Variants in DHX36 observed in about 807,000 individuals in gnomAD.
DHX36 encodes ATP-dependent DNA/RNA helicase DHX36.
DHX36 carries 50 observed loss-of-function variants against 139.0 expected under a neutral mutation model. The observed-to-expected ratio is 0.36, with a 90% CI of 0.29 to 0.46. The LOEUF (loss-of-function observed/expected upper bound fraction) is 0.46. Ranked by LOEUF, DHX36 falls within the 20% of genes least tolerant of loss-of-function variation. DHX36 has a pLI of 1.00. For missense variants in DHX36, 1,024 were observed against 1,211.3 expected (o/e 0.85, Z 2.29); for synonymous variants, 425 against 401.9 (o/e 1.06, Z -0.69).
At chr3:154,292,278 TA>T (rs367612636) in intron 15 of DHX36, among the ~76,000 whole-genome samples, 1,875 of 152,242 alleles carry the variant, frequency 0.012, 19 homozygotes, top group Non-Finnish European at 0.02. Flanking sequence ...ATATATGCTT[TA>T]AAAAAATGAA....
chr3:154,284,078 A>C (rs1719423084), intron 19 of DHX36, among the ~76,000 whole-genome samples: 1 of 152,226 alleles, frequency 6.6e-6, no homozygotes, highest in Admixed American at 6.5e-5. Flanking sequence ...AATGTAATGA[A>C]CTATTACAAA....
At position 154,311,661 on chromosome 3, in the gene DHX36, T is replaced by C; in HGVS notation, c.617A>G (p.Lys206Arg). 6.3e-7 allele frequency: 1 copy of C among 1,596,964 alleles called. No individual in the cohort carries two copies. The change falls in exon 4 of 25, where the codon AAG (lysine) becomes AGG (arginine). Residue 206 changes from lysine (K) to arginine (R), a missense_variant. Physicochemically the swap from Lys to Arg is conservative, Grantham distance 26 (BLOSUM62 2). Around this residue, in one of 4 missense-constraint regions of DHX36, gnomAD observed 293 missense variants for 274.4 expected, o/e 1.07. Coordinates refer to ENST00000496811, the MANE Select transcript of DHX36 (RefSeq NM_020865.3). ...RYIEMQHFRE[K>R]LPSYGMQKEL... The stretch of plus-strand genomic sequence containing the variant: ...CTTTTGCATTCCATACGAAGGCAGC[T>C]TTTCTCTGAAATGCTGAAATTTAAA...
At chr3:154,300,894 T>C in intron 10 of DHX36, 93 bp downstream of exon 10, 1 of 1,524,816 alleles carries the variant, frequency 6.6e-7, no homozygotes, top group South Asian at 1.2e-5. Context: ...TGCTCTCCTT[T>C]AAGTACGTAC....
intron 14 of DHX36, 70 bp downstream of exon 14, chr3:154,293,678 G>C: frequency 8.9e-7 from 1 of 1,118,766 alleles, no homozygotes; most frequent in Non-Finnish European, 1.3e-6. Flanking sequence ...AAAGATTAAG[G>C]TATATAAACA....
intron 24 of DHX36, 145 bp from the exon 25 acceptor site, chr3:154,276,501 G>A: frequency 1.2e-6 from 1 of 823,028 alleles, no homozygotes; most frequent in East Asian, 2.7e-5. Flanking sequence ...CAACTAAAGT[G>A]TGGTTATGAG....
At chr3:154,296,274 AC>A (rs1712042766) in intron 12 of DHX36, among the ~76,000 whole-genome samples, 1 of 152,112 alleles carries the variant, frequency 6.6e-6, no homozygotes, top group Non-Finnish European at 1.5e-5. Context: ...GGAGATCAAG[AC>A]CATCCTGGCT....
chr3:154,286,177 A>C (rs902651218), intron 17 of DHX36, among the ~76,000 whole-genome samples: 13 of 128,288 alleles, frequency 1.0e-4, no homozygotes, highest in South Asian at 3.1e-4. Context: ...AAAAAAAAAA[A>C]AAAAAAAAAA....
chr3:154,316,178 GA>G lies in DHX36; in HGVS notation c.244-16del, dbSNP rs1338834289. 1 of 1,607,816 alleles carries G rather than the reference GA, an allele frequency of 6.2e-7. No individual in the cohort carries two copies. Among genetic ancestry groups the G allele is most frequent in the Non-Finnish European group, 8.5e-7 (1 of 1,177,816 alleles). On this transcript the variant is annotated splice_polypyrimidine_tract_variant and intron_variant, in intron 1 of 24. Coordinates refer to ENST00000496811, the MANE Select transcript of DHX36 (RefSeq NM_020865.3). Reference sequence around the variant, plus strand: ...ACTACAGCTCTCTAGTTTGTGCAAAGAAAAAAGCATCCTTGTCAACATAAGA... The same window carrying G: ...ACTACAGCTCTCTAGTTTGTGCAAAGAAAAAGCATCCTTGTCAACATAAGA...
chr3:154,285,583 G>T (rs1711520690), intron 17 of DHX36, among the ~76,000 whole-genome samples: 1 of 152,036 alleles, frequency 6.6e-6, no homozygotes, highest in South Asian at 2.1e-4. Flanking sequence ...AGAGGTTGGG[G>T]CCTCTTTTCC....
chr3:154,277,861 C>A, intron 22 of DHX36, 143 bp from the exon 23 acceptor site: 1 of 761,502 alleles, frequency 1.3e-6, no homozygotes. Context: ...GAGAATAATT[C>A]AGTTTATTTT....
chr3:154,306,144 C>G (rs1415551625), intron 6 of DHX36, 72 bp downstream of exon 6: 2 of 1,133,398 alleles, frequency 1.8e-6, no homozygotes, highest in Admixed American at 3.6e-5. Flanking sequence ...GGGAAAATAT[C>G]CTTTCTTTTG....
intron 6 of DHX36, among the ~76,000 whole-genome samples, chr3:154,305,677 G>C (rs1362199294): frequency 1.3e-5 from 2 of 152,198 alleles, no homozygotes; most frequent in Non-Finnish European, 2.9e-5. Context: ...TGAGGTGGGA[G>C]GACTGCTTGA....
At chr3:154,309,467 T>G (rs1329012507) in intron 5 of DHX36, among the ~76,000 whole-genome samples, 186 bp downstream of exon 5, 2 of 152,176 alleles carry the variant, frequency 1.3e-5, no homozygotes, top group African/African-American at 4.8e-5. Context: ...TAAATATCTA[T>G]TATCTGTTAA....
In DHX36 at chr3:154,276,142, T is replaced by G. The variant is rs780780996; in HGVS notation, c.*29A>C. 3.2e-6 allele frequency: 5 copies of G among 1,579,990 alleles called. No homozygotes were observed. In the African/African-American group the frequency reaches 6.8e-5, roughly 22 times the overall value. ...CAATGATGAAGAATGGCTGTCAAAC[T>G]GGCTTTTCAGACCACCCCTGAAAAG... is the stretch of plus-strand genomic sequence containing the variant. On this transcript the variant is annotated 3_prime_UTR_variant, in exon 25 of 25. Transcript: ENST00000496811.
At position 154,276,084 on chromosome 3, in the gene DHX36, G is replaced by T; in HGVS notation, c.*87C>A. On this transcript the variant is annotated 3_prime_UTR_variant, in exon 25 of 25. Transcript: ENST00000496811. ...TACCTTACACATGAAAATTGTTCATGTCCCAGGGTTTGGCATCCAGCCAAA... is the reference window on the plus strand; with the variant it reads ...TACCTTACACATGAAAATTGTTCATTTCCCAGGGTTTGGCATCCAGCCAAA... The T allele has an allele frequency of 7.5e-7, 1 of 1,341,208 alleles. No individual in the cohort carries two copies. Among genetic ancestry groups the T allele is most frequent in the Non-Finnish European group, 1.0e-6 (1 of 972,196 alleles). 83.1% of individuals were successfully genotyped at this position (1,341,208 alleles called of 1,614,324 possible).
At chr3:154,322,005 G>A (rs543658662) in intron 1 of DHX36, among the ~76,000 whole-genome samples, 1 of 152,114 alleles carries the variant, frequency 6.6e-6, no homozygotes, top group East Asian at 1.9e-4. Context: ...ATTCTGACTG[G>A]GAAACAATGA....
At chr3:154,324,152 C>T (rs764168424) in intron 1 of DHX36, 22 bp downstream of exon 1, 49 of 1,602,090 alleles carry the variant, frequency 3.1e-5, no homozygotes, top group Middle Eastern at 1.7e-4. Flanking sequence ...CTCATCCTCT[C>T]CACTACTGAA....
chr3:154,293,272 A>G (rs1348440171), intron 14 of DHX36, among the ~76,000 whole-genome samples: 11 of 152,182 alleles, frequency 7.2e-5, no homozygotes, highest in African/African-American at 1.7e-4. Context: ...AAGCATTACT[A>G]TAGGTTAAAA....
At chr3:154,285,405 T>C (rs1347327900) in intron 17 of DHX36, among the ~76,000 whole-genome samples, 2 of 152,184 alleles carry the variant, frequency 1.3e-5, no homozygotes, top group Non-Finnish European at 2.9e-5. Context: ...AAAGGAACTA[T>C]CTAAAACCAC....
Sources: gnomAD v4.1 joint callset for allele counts (sites outside exome capture counted in the v4.1 genomes callset) on GRCh38, gnomAD v4.1.1 for gene constraint, gnomAD v4.1.1 regional missense constraint, MANE v1.5 for transcripts, NCBI Gene and HGNC (gene_info 2026-07-23, HGNC 2026-07-21) for gene names.